Variants in SLC6A4 observed in about 807,000 individuals in gnomAD.
SLC6A4 encodes sodium-dependent serotonin transporter.
A neutral mutation model predicts 73.4 loss-of-function variants in SLC6A4; 22 were observed. The observed-to-expected ratio is 0.30, with a 90% CI of 0.21 to 0.43. SLC6A4 has a LOEUF of 0.43. SLC6A4 is among the 20% of genes least tolerant of loss of function. The pLI is 1.00. For missense variants in SLC6A4, 593 were observed against 808.5 expected, an observed-to-expected ratio of 0.73 and a Z score of 3.23; for synonymous variants, 270 against 315.5, an observed-to-expected ratio of 0.86 and a Z score of 1.53.
At chr17:30,215,008 CTTTCTTTCTTTCTTT>C (rs1906520755) in intron 8 of SLC6A4, among the ~76,000 whole-genome samples, 1 of 146,830 alleles carries the variant, frequency 6.8e-6, no homozygotes, top group Non-Finnish European at 1.5e-5. Flanking sequence ...TCCTTTCTTT[CTTTCTTTCTTTCTTT>C]TTTCTTTCTT....
rs184838230 is a variant in SLC6A4 at position 30,227,628 on chromosome 17, G to C, written c.-220-4713C>G. 4.6e-3 allele frequency among the ~76,000 whole-genome samples: 695 copies of C among 152,240 alleles called. 4 individuals carry two copies. The highest frequency in any genetic ancestry group is 0.016 in the African/African-American group (673 of 41,548). On this transcript the variant is annotated intron_variant, in intron 1 of 14. Coordinates refer to ENST00000650711, the MANE Select transcript of SLC6A4 (RefSeq NM_001045.6). Reference sequence around the variant, plus strand: ...AGGCTCCCGAGTAGCTGAGATTACAGGTGTGTGCCACCACACCCAGCTAAT... The same window carrying C: ...AGGCTCCCGAGTAGCTGAGATTACACGTGTGTGCCACCACACCCAGCTAAT...
In SLC6A4 at chr17:30,221,632, A is replaced by G; in HGVS notation, c.327T>C (p.Cys109=). 6.2e-7 allele frequency: 1 copy of G among 1,613,486 alleles called. No homozygotes were observed. The highest frequency in any genetic ancestry group is 2.2e-5 in the East Asian group (1 of 44,872). The part of the protein sequence containing the change: ...LGNVWRFPYI[C]YQNGGGAFLL... Reference sequence around the variant, plus strand: ...GATACTGACCCCCTCCATTCTGGTAACATATGTAGGGGAAGCGCCAGACAT... The same window carrying G: ...GATACTGACCCCCTCCATTCTGGTAGCATATGTAGGGGAAGCGCCAGACAT... Residue 109 remains cysteine, a synonymous_variant, in exon 3 of 15, where the codon TGT becomes TGC. Coordinates refer to ENST00000650711, the MANE Select transcript of SLC6A4 (RefSeq NM_001045.6).
intron 12 of SLC6A4, among the ~76,000 whole-genome samples, chr17:30,208,858 A>ATTTTTT (rs35246799): frequency 2.8e-5 from 4 of 144,036 alleles, no homozygotes; most frequent in Admixed American, 6.9e-5. Flanking sequence ...TGCCCGGCTA[A>ATTTTTT]TTTTTTTTTT....
intron 14 of SLC6A4, among the ~76,000 whole-genome samples, chr17:30,201,768 G>A (rs538176613): frequency 6.6e-6 from 1 of 152,146 alleles, no homozygotes; most frequent in Non-Finnish European, 1.5e-5. Flanking sequence ...CCAGAATACA[G>A]TTTTCCTGTT....
chr17:30,214,537 T>A (rs1906492071), intron 8 of SLC6A4, among the ~76,000 whole-genome samples: 1 of 151,778 alleles, frequency 6.6e-6, no homozygotes, highest in African/African-American at 2.4e-5. Flanking sequence ...CACATTACAA[T>A]TTTTATTGTT....
chr17:30,211,426 T>G lies in SLC6A4; in HGVS notation c.1205-2A>C. 1 of 1,597,262 alleles carries G rather than the reference T, an allele frequency of 6.3e-7. No individual in the cohort carries two copies. Among genetic ancestry groups the G allele is most frequent in the Admixed American group, 1.7e-5 (1 of 59,984 alleles). On this transcript the variant is annotated splice_acceptor_variant, in intron 9 of 14. Transcript: ENST00000650711. LOFTEE classifies it high-confidence loss of function. The surrounding 1 kb of genome is among the most constrained non-coding windows in gnomAD (Gnocchi z 4.0). ...ACGTGATGAAGAGGAGGCTGGGACC[T>G]GAGACAGAGGGGAGAGAGGAGGAGG...
In SLC6A4 at chr17:30,222,817, A is replaced by G; in HGVS notation, c.-124+2T>C. 8 of 1,304,600 alleles carry G rather than the reference A, an allele frequency of 6.1e-6. No homozygotes were observed. Among genetic ancestry groups the G allele is most frequent in the Non-Finnish European group, 8.1e-6 (8 of 988,936 alleles). 80.8% of individuals were successfully genotyped at this position (1,304,600 alleles called of 1,614,324 possible). A position where few individuals can be genotyped will look rare whatever the true frequency, so the allele number is the denominator to read the frequency against. On this transcript the variant is annotated splice_donor_variant, in intron 2 of 14. Coordinates refer to ENST00000650711, the MANE Select transcript of SLC6A4 (RefSeq NM_001045.6). LOFTEE classifies it low-confidence loss of function (5UTR_SPLICE). ...TGGTCCTTAAACGGCACTGCTGCTC[A>G]CCATTTGTTCTTCTTTCCACTTGCC...
At chr17:30,212,410 A>G (rs1370337633) in intron 9 of SLC6A4, among the ~76,000 whole-genome samples, 1 of 152,218 alleles carries the variant, frequency 6.6e-6, no homozygotes, top group African/African-American at 2.4e-5. Flanking sequence ...TTTTGGAAAC[A>G]GGGTCTTATT....
intron 14 of SLC6A4, 64 bp from the exon 15 acceptor site, chr17:30,198,594 C>A: frequency 1.1e-6 from 1 of 882,510 alleles, no homozygotes; most frequent in South Asian, 1.4e-5. Context: ...CAAAAATAGT[C>A]AACATTAATA....
At chr17:30,228,968 G>A (rs1907006615) in intron 1 of SLC6A4, among the ~76,000 whole-genome samples, 2 of 152,192 alleles carry the variant, frequency 1.3e-5, no homozygotes, top group Non-Finnish European at 2.9e-5. Flanking sequence ...TCCTGACTGG[G>A]CGAGGGTGCC....
At chr17:30,212,219 AC>A (rs1906409855) in intron 9 of SLC6A4, among the ~76,000 whole-genome samples, 1 of 152,182 alleles carries the variant, frequency 6.6e-6, no homozygotes, top group Admixed American at 6.5e-5. Flanking sequence ...CCATCACAAG[AC>A]CATCACAGGA....
At position 30,195,592 on chromosome 17, in the gene SLC6A4, A is replaced by C. The variant is rs1168765781; in HGVS notation, c.*2864T>G. 1 of 152,146 alleles carries C rather than the reference A, an allele frequency of 6.6e-6. No homozygotes were observed. The highest frequency in any genetic ancestry group is 1.5e-5 in the Non-Finnish European group (1 of 68,010). 9.4% of individuals were successfully genotyped at this position (152,146 alleles called of 1,614,324 possible). ...GTATTATTTCACTCTAGCAGAGGAAATAAAACTCCAGTTCACCTGTCTTTA... is the reference window on the plus strand; with the variant it reads ...GTATTATTTCACTCTAGCAGAGGAACTAAAACTCCAGTTCACCTGTCTTTA... On this transcript the variant is annotated 3_prime_UTR_variant, in exon 15 of 15. Transcript: ENST00000650711.
rs1907051304 is a variant in SLC6A4 at position 30,230,093 on chromosome 17, G to GAAGAAGAAA, written c.-221+5519_-221+5520insTTTCTTCTT. ...AGAAGAAGAAGAAGAAGAAGAAGAA[G>GAAGAAGAAA]AAGAGGAGGAAGAGGAAGAGGAAGA... On this transcript the variant is annotated intron_variant, in intron 1 of 14. Coordinates refer to ENST00000650711, the MANE Select transcript of SLC6A4 (RefSeq NM_001045.6). Among the ~76,000 whole-genome samples, 2 of 122,842 alleles carry GAAGAAGAAA rather than the reference G, an allele frequency of 1.6e-5. 1 individual carries two copies. The highest frequency in any genetic ancestry group is 1.5e-4 in the Admixed American group (2 of 13,382). The allele number at this position is 122,842 out of a possible 152,430, so 80.6% of individuals were successfully genotyped here. A position where few individuals can be genotyped will look rare whatever the true frequency, so the allele number is the denominator to read the frequency against.
intron 3 of SLC6A4, among the ~76,000 whole-genome samples, chr17:30,220,478 G>A (rs191889518): frequency 1.3e-5 from 2 of 152,286 alleles, no homozygotes; most frequent in African/African-American, 2.4e-5. Context: ...ACAAGATAGG[G>A]CCTCTGGCCT....
chr17:30,233,947 C>T (rs1907191955), intron 1 of SLC6A4, among the ~76,000 whole-genome samples: 3 of 152,088 alleles, frequency 2.0e-5, no homozygotes, highest in Admixed American at 1.3e-4. Flanking sequence ...TGTTTGGCAG[C>T]GGACATCCAG....
At position 30,221,825 on chromosome 17, in the gene SLC6A4, T is replaced by C. The variant is rs200263321; in HGVS notation, c.134A>G (p.Asn45Ser). 4.9e-5 allele frequency: 79 copies of C among 1,614,184 alleles called. 1 individual carries two copies. The East Asian group carries it at 1.0e-3, about 21-fold the overall frequency. The stretch of plus-strand genomic sequence containing the variant: ...AGGACTTGGAACTGCTGAGTACCCA[T>C]TGGATATTTGCCCGGACTCCACTTT... The part of the protein sequence containing the change: ...GDKVESGQIS[N>S]GYSAVPSPGA... Residue 45 changes from asparagine (N) to serine (S), a missense_variant, in exon 3 of 15, where the codon AAT (asparagine) becomes AGT (serine). By Grantham distance (46) the Asn-to-Ser change is conservative. Coordinates refer to ENST00000650711, the MANE Select transcript of SLC6A4 (RefSeq NM_001045.6).
chr17:30,220,936 C>T (rs1290345197), intron 3 of SLC6A4, among the ~76,000 whole-genome samples: 2 of 151,280 alleles, frequency 1.3e-5, no homozygotes, highest in South Asian at 2.1e-4. Flanking sequence ...GCCTCAGACA[C>T]GCTGTCTTCA....
At chr17:30,210,265 C>G (rs1166000808) in intron 11 of SLC6A4, among the ~76,000 whole-genome samples, 1 of 152,136 alleles carries the variant, frequency 6.6e-6, no homozygotes, top group Non-Finnish European at 1.5e-5. Context: ...GTTTTTGAAG[C>G]CTGAAATCTA....
intron 3 of SLC6A4, among the ~76,000 whole-genome samples, chr17:30,220,021 C>T (rs1031672345): frequency 6.6e-6 from 1 of 152,156 alleles, no homozygotes; most frequent in African/African-American, 2.4e-5. Flanking sequence ...TACATAATGC[C>T]CAGGCTAAAG....
Sources: allele counts gnomAD v4.1 joint callset (sites outside exome capture counted in the v4.1 genomes callset), GRCh38; gene constraint gnomAD v4.1.1; non-coding constraint Gnocchi (gnomAD v3.1); transcripts MANE v1.5; gene names NCBI Gene and HGNC (gene_info 2026-07-23, HGNC 2026-07-21).